Variants in MIPOL1 observed in about 807,000 individuals in gnomAD.
The protein encoded by MIPOL1 is mirror-image polydactyly 1.
Under a neutral mutation model 60.9 loss-of-function variants are expected in MIPOL1, and 57 were observed. That is an observed-to-expected ratio of 0.94 (90% CI 0.76 to 1.17). MIPOL1 has a LOEUF of 1.17. Among genes scored for constraint, MIPOL1 ranks in the 50% most tolerant of loss-of-function variants. The pLI is 0.00. For synonymous variants in MIPOL1, 179 were observed against 168.8 expected, an observed-to-expected ratio of 1.06 and a Z score of -0.47; for missense variants, 551 against 511.6, an observed-to-expected ratio of 1.08 and a Z score of -0.74.
At chr14:37,270,639 T>TC (rs1228749993) in intron 6 of MIPOL1, 114 bp downstream of exon 6, 1 of 292,698 alleles carries the variant, frequency 3.4e-6, no homozygotes, top group African/African-American at 3.5e-5. Flanking sequence ...GGGGAAGCTC[T>TC]CCTTTTTTTT....
chr14:37,482,030 A>C (rs1052967830), intron 11 of MIPOL1, among the ~76,000 whole-genome samples: 2 of 152,150 alleles, frequency 1.3e-5, no homozygotes, highest in South Asian at 2.1e-4. Flanking sequence ...GGTTTATTGG[A>C]TCTGACCCCA....
intron 9 of MIPOL1, among the ~76,000 whole-genome samples, chr14:37,320,295 G>C (rs1409637429): frequency 1.3e-5 from 2 of 152,110 alleles, no homozygotes; most frequent in African/African-American, 4.8e-5. Context: ...TTCCAGCTGT[G>C]AGAGTTAATA....
chr14:37,454,043 A>C (rs1179211981), intron 11 of MIPOL1, among the ~76,000 whole-genome samples: 1 of 152,202 alleles, frequency 6.6e-6, no homozygotes, highest in Non-Finnish European at 1.5e-5. Flanking sequence ...GAAGTTTTTC[A>C]ACAGCTATTT....
At chr14:37,337,889 A>T (rs531539229) in intron 9 of MIPOL1, among the ~76,000 whole-genome samples, 8 of 152,008 alleles carry the variant, frequency 5.3e-5, no homozygotes, top group African/African-American at 1.9e-4. Flanking sequence ...TATTTTGATA[A>T]AATCCAATTT....
intron 11 of MIPOL1, among the ~76,000 whole-genome samples, chr14:37,472,284 C>T (rs2094699477): frequency 6.6e-6 from 1 of 151,968 alleles, no homozygotes; most frequent in African/African-American, 2.4e-5. Flanking sequence ...AAATATTGGC[C>T]CTATGTAAGA....
chr14:37,526,234 C>T (rs1198786984), intron 12 of MIPOL1, among the ~76,000 whole-genome samples: 1 of 145,652 alleles, frequency 6.9e-6, no homozygotes, highest in African/African-American at 2.5e-5. Flanking sequence ...CACAACAAAA[C>T]CTATCAACTA....
At chr14:37,316,597 T>TTTG (rs1053340057) in intron 9 of MIPOL1, among the ~76,000 whole-genome samples, 12 of 150,700 alleles carry the variant, frequency 8.0e-5, no homozygotes, top group African/African-American at 2.9e-4. Context: ...TGGGAGGTTT[T>TTTG]TTTTTTTTTC....
chr14:37,237,673 G>T (rs974440695), intron 1 of MIPOL1, among the ~76,000 whole-genome samples: 1 of 152,096 alleles, frequency 6.6e-6, no homozygotes. Flanking sequence ...TTCAACTCCT[G>T]ACCTTAAATG....
In MIPOL1 at chr14:37,270,492, G is replaced by C. The variant is rs1165052659; in HGVS notation, c.460G>C (p.Glu154Gln). Residue 154 changes from glutamate (E) to glutamine (Q), a missense_variant, in exon 6 of 13, where the codon GAA becomes CAA. Physicochemically the swap from Glu to Gln is conservative, Grantham distance 29. Coordinates refer to ENST00000684589, the MANE Select transcript of MIPOL1 (RefSeq NM_001388067.1). ...LKFKLELQEK[E>Q]TEAKIAEKTA... Reference sequence around the variant, plus strand: ...GTTTAAGCTGGAACTCCAAGAGAAAGAAACAGAAGCTAAAATTGCTGAAAA... The same window carrying C: ...GTTTAAGCTGGAACTCCAAGAGAAACAAACAGAAGCTAAAATTGCTGAAAA... 2 of 1,599,740 alleles carry C rather than the reference G, an allele frequency of 1.3e-6. No individual in the cohort carries two copies. The highest frequency in any genetic ancestry group is 1.7e-6 in the Non-Finnish European group (2 of 1,172,936).
At chr14:37,430,683 A>C (rs10132119) in intron 11 of MIPOL1, among the ~76,000 whole-genome samples, 86,109 of 151,794 alleles carry the variant, frequency 0.57, 26,164 homozygotes, top group Non-Finnish European at 0.67. Flanking sequence ...TATGAAAATC[A>C]GTGAGATGAT....
chr14:37,472,902 C>A (rs573468985), intron 11 of MIPOL1, among the ~76,000 whole-genome samples: 6 of 152,150 alleles, frequency 3.9e-5, no homozygotes, highest in Non-Finnish European at 8.8e-5. Flanking sequence ...ACCTAGTAAG[C>A]CCGCCTATGG....
chr14:37,454,797 G>C (rs771247094), intron 11 of MIPOL1, among the ~76,000 whole-genome samples: 2 of 152,060 alleles, frequency 1.3e-5, no homozygotes, highest in African/African-American at 4.8e-5. Flanking sequence ...TACTTCTCTC[G>C]TTTTTCTCTC....
At chr14:37,508,303 A>G (rs2095297886) in intron 12 of MIPOL1, among the ~76,000 whole-genome samples, 1 of 152,012 alleles carries the variant, frequency 6.6e-6, no homozygotes, top group Non-Finnish European at 1.5e-5. Context: ...TCACAATCAA[A>G]TTTCTTGAAT....
At chr14:37,291,294 A>G (rs1167345449) in intron 7 of MIPOL1, among the ~76,000 whole-genome samples, 1 of 152,064 alleles carries the variant, frequency 6.6e-6, no homozygotes, top group Non-Finnish European at 1.5e-5. Flanking sequence ...TATATGGGAC[A>G]TTTTTGTCCT....
rs147043004 is a variant in MIPOL1, at chr14:37,365,464, A to T, written c.829-4053A>T. Among the ~76,000 whole-genome samples, 209 of 152,268 alleles carry T rather than the reference A, an allele frequency of 1.4e-3. 1 individual carries two copies. The highest frequency in any genetic ancestry group is 2.3e-3 in the Non-Finnish European group (159 of 68,004). On this transcript the variant is annotated intron_variant, in intron 9 of 12. Coordinates refer to ENST00000684589, the MANE Select transcript of MIPOL1 (RefSeq NM_001388067.1). ...TGCATTTTCAGCATCTATTGAAATG[A>T]TCATATGGTTTTTGTCCTTCACTCT...
chr14:37,469,778 A>T (rs747165213), intron 11 of MIPOL1, among the ~76,000 whole-genome samples: 1 of 152,124 alleles, frequency 6.6e-6, no homozygotes, highest in Middle Eastern at 3.2e-3. Context: ...AAAAAAAAGG[A>T]TAAGGTCAGC....
At chr14:37,368,338 T>C (rs1027978529) in intron 9 of MIPOL1, among the ~76,000 whole-genome samples, 1 of 77,830 alleles carries the variant, frequency 1.3e-5, no homozygotes, top group East Asian at 3.8e-4. Context: ...TAAGACTTTT[T>C]CTTCTAAAAC....
intron 9 of MIPOL1, among the ~76,000 whole-genome samples, chr14:37,328,745 T>A (rs1244515666): frequency 1.3e-5 from 2 of 152,166 alleles, no homozygotes; most frequent in Non-Finnish European, 2.9e-5. Flanking sequence ...AATGACAGCA[T>A]TATTTAATGA....
In MIPOL1 at chr14:37,350,392, TTTC is replaced by T. The variant is rs1255913269; in HGVS notation, c.829-19122_829-19120del. Among the ~76,000 whole-genome samples the T allele has an allele frequency of 3.9e-5, 6 of 152,046 alleles. 1 individual carries two copies. The highest frequency in any genetic ancestry group is 9.7e-5 in the African/African-American group (4 of 41,404). Reference sequence around the variant, plus strand: ...GTGCCCAGCCCATTCTGCTTTTTCTTTTCTTTTCTTTTTCTTTCTTTCCTATTT... The same window carrying T: ...GTGCCCAGCCCATTCTGCTTTTTCTTTTTTCTTTTTCTTTCTTTCCTATTT... On this transcript the variant is annotated intron_variant, in intron 9 of 12. Transcript: ENST00000684589.
Sources: allele counts gnomAD v4.1 joint callset (sites outside exome capture counted in the v4.1 genomes callset), GRCh38; gene constraint gnomAD v4.1.1; transcripts MANE v1.5; gene names NCBI Gene and HGNC (gene_info 2026-07-23, HGNC 2026-07-21).